The following UGP2 variants were observed in gnomAD, a reference collection of about 807,000 sequenced individuals.
UGP2 encodes UDP-glucose pyrophosphorylase 2.
Under a neutral mutation model 49.0 loss-of-function variants are expected in UGP2, and 40 were observed. The ratio of observed to expected loss-of-function variants is 0.82; its 90% confidence interval spans 0.63 to 1.06. UGP2 has a LOEUF of 1.06. Among genes scored for constraint, UGP2 ranks in the 50% least tolerant of loss-of-function variants. The pLI is 0.00. For missense variants in UGP2, 460 were observed against 603.5 expected, an observed-to-expected ratio of 0.76 and a Z score of 2.49; for synonymous variants, 225 against 213.0, an observed-to-expected ratio of 1.06 and a Z score of -0.49.
In UGP2 at chr2:63,886,477, C is replaced by A. The variant is rs376428418; in HGVS notation, c.1010C>A (p.Ala337Glu). Reference sequence around the variant, plus strand: ...ACAAACAACCTATGGATTTCTCTTGCAGCAGTTAAAAGACTGCAGGAGCAA... The same window carrying A: ...ACAAACAACCTATGGATTTCTCTTGAAGCAGTTAAAAGACTGCAGGAGCAA... ...FNTNNLWISL[A>E]AVKRLQEQNA... Residue 337 changes from alanine (A) to glutamate (E), a missense_variant, in exon 7 of 10, where the codon GCA becomes GAA. Ala to Glu is a moderately radical substitution (Grantham distance 107). Around this residue, in one of 2 missense-constraint regions of UGP2, gnomAD observed 317 missense variants for 473.0 expected, o/e 0.67. Transcript: ENST00000337130. 6.2e-7 allele frequency: 1 copy of A among 1,614,142 alleles called. No homozygotes were observed. The highest frequency in any genetic ancestry group is 8.5e-7 in the Non-Finnish European group (1 of 1,180,010).
At chr2:63,846,686 T>C (rs1210315810) in intron 1 of UGP2, among the ~76,000 whole-genome samples, 1 of 152,218 alleles carries the variant, frequency 6.6e-6, no homozygotes, top group East Asian at 1.9e-4. Context: ...TAATTATAAC[T>C]GGAGGGGTCT....
At chr2:63,880,025 C>T (rs986262602) in intron 3 of UGP2, among the ~76,000 whole-genome samples, 3 of 152,156 alleles carry the variant, frequency 2.0e-5, no homozygotes, top group African/African-American at 7.2e-5. Context: ...AATGGAAATT[C>T]TTGGCTTTTA....
At chr2:63,841,853 C>G (rs1671564821), upstream of UGP2, 1 of 250,762 alleles carries the variant, frequency 4.0e-6, no homozygotes, top group Non-Finnish European at 7.7e-6. Flanking sequence ...AGGTCCGCCT[C>G]TTTCATTGAA....
chr2:63,865,192 C>T (rs1013338879), intron 3 of UGP2, among the ~76,000 whole-genome samples: 1 of 152,170 alleles, frequency 6.6e-6, no homozygotes, highest in Non-Finnish European at 1.5e-5. Flanking sequence ...GACAGTCACT[C>T]CCCTCAAAGA....
In UGP2 at chr2:63,856,318, C is replaced by G; in HGVS notation, c.32C>G (p.Ala11Gly). 4 of 1,612,670 alleles carry G rather than the reference C, an allele frequency of 2.5e-6. No homozygotes were observed. The highest frequency in any genetic ancestry group is 3.4e-6 in the Non-Finnish European group (4 of 1,179,648). ...TTTTTGTTTTAAGATCTTAGCAAAG[C>G]AATGTCTCAAGATGGTGCTTCTCAG... Reference protein sequence around the residue: MSRFVQDLSKAMSQDGASQFQ... With the variant: MSRFVQDLSKGMSQDGASQFQ... Residue 11 changes from alanine (A) to glycine (G), a missense_variant, in exon 2 of 10, where the codon GCA becomes GGA. Ala to Gly is a moderately conservative substitution (Grantham distance 60). This residue lies in a region of UGP2 where 143 missense variants were observed against 130.4 expected (regional missense o/e 1.10). Coordinates refer to ENST00000337130, the MANE Select transcript of UGP2 (RefSeq NM_006759.4).
intron 1 of UGP2, among the ~76,000 whole-genome samples, chr2:63,851,230 C>T (rs1482978162): frequency 6.6e-6 from 1 of 152,128 alleles, no homozygotes; most frequent in Non-Finnish European, 1.5e-5. Flanking sequence ...TAGTTACATA[C>T]CATTATTAGG....
chr2:63,882,768 C>A, intron 4 of UGP2, 117 bp downstream of exon 4: 1 of 1,094,910 alleles, frequency 9.1e-7, no homozygotes. Flanking sequence ...AGCCTGCTAT[C>A]TTTAATCTCT....
intron 3 of UGP2, among the ~76,000 whole-genome samples, chr2:63,858,733 A>G (rs1157510684): frequency 6.6e-6 from 1 of 152,054 alleles, no homozygotes; most frequent in Admixed American, 6.6e-5. Context: ...AGTAGATTTA[A>G]TAGTATTTTC....
chr2:63,891,313 T>C lies in UGP2; in HGVS notation c.*86T>C, dbSNP rs1672138148. On this transcript the variant is annotated 3_prime_UTR_variant, in exon 10 of 10. Coordinates refer to ENST00000337130, the MANE Select transcript of UGP2 (RefSeq NM_006759.4). ...AGGATTCTAAAATAGGCAGGTACTT[T>C]ACTATGTTACTGTACCCTGCAGTGT... 1.8e-6 allele frequency: 2 copies of C among 1,125,108 alleles called. No individual in the cohort carries two copies. The highest frequency in any genetic ancestry group is 2.6e-6 in the Non-Finnish European group (2 of 761,912). The allele number at this position is 1,125,108 out of a possible 1,614,324, so 69.7% of individuals were successfully genotyped here. A position where few individuals can be genotyped will look rare whatever the true frequency, so the allele number is the denominator to read the frequency against.
intron 3 of UGP2, 24 bp from the exon 4 acceptor site, chr2:63,882,441 TC>T: frequency 1.3e-6 from 2 of 1,522,982 alleles, no homozygotes; most frequent in Non-Finnish European, 1.8e-6. Context: ...TTTAAATTAC[TC>T]CTATAATGTT....
rs1395891189 is a variant in UGP2, at chr2:63,879,024, C to T, written c.256-3442C>T. Among the ~76,000 whole-genome samples the T allele has an allele frequency of 3.3e-5, 5 of 150,208 alleles. 1 individual carries two copies. The highest frequency in any genetic ancestry group is 7.3e-5 in the African/African-American group (3 of 40,944). On this transcript the variant is annotated intron_variant, in intron 3 of 9. Coordinates refer to ENST00000337130, the MANE Select transcript of UGP2 (RefSeq NM_006759.4). ...TGGAGGTAAAAAAAAAAAAAAAGTT[C>T]CTGTTAGTACTTTTTCTTGATGACT... is the stretch of plus-strand genomic sequence containing the variant.
At chr2:63,841,321 T>G (rs2104212829), upstream of UGP2, 1 of 151,590 alleles carries the variant, frequency 6.6e-6, no homozygotes, top group East Asian at 1.9e-4. Context: ...GCTGGCCCGC[T>G]GTGTGGTCTC....
chr2:63,877,561 G>A (rs1274144817), intron 3 of UGP2, among the ~76,000 whole-genome samples: 1 of 152,190 alleles, frequency 6.6e-6, no homozygotes, highest in African/African-American at 2.4e-5. Flanking sequence ...TTACATTTTG[G>A]ATCTAGAAAT....
chr2:63,841,979 G>C lies in UGP2; in HGVS notation c.-207G>C. The C allele has an allele frequency of 3.5e-6, 2 of 566,184 alleles. No homozygotes were observed. Among genetic ancestry groups the C allele is most frequent in the Non-Finnish European group, 5.5e-6 (2 of 363,992 alleles). 35.1% of individuals were successfully genotyped at this position (566,184 alleles called of 1,614,324 possible). On this transcript the variant is annotated 5_prime_UTR_variant, in exon 1 of 10. Transcript: ENST00000337130. ...AGTCGCACCAAGTTTCCGTCTTTTG[G>C]AATTGGGGAAGGAGTTTCTTTCTTT...
intron 1 of UGP2, chr2:63,842,569 C>G: frequency 6.7e-7 from 1 of 1,501,884 alleles, no homozygotes; most frequent in Non-Finnish European, 8.9e-7. Context: ...ACGGGAAGGG[C>G]TGGGGAAGCG....
intron 3 of UGP2, among the ~76,000 whole-genome samples, chr2:63,868,971 A>T (rs1156592877): frequency 6.6e-6 from 1 of 152,158 alleles, no homozygotes; most frequent in Non-Finnish European, 1.5e-5. Flanking sequence ...ATCTCAAAAA[A>T]AAAAAAAGAA....
chr2:63,847,898 C>T (rs1320343021), intron 1 of UGP2, among the ~76,000 whole-genome samples: 1 of 152,192 alleles, frequency 6.6e-6, no homozygotes, highest in Non-Finnish European at 1.5e-5. Flanking sequence ...TTGGCTTGGG[C>T]TCAGAGGCCT....
intron 8 of UGP2, chr2:63,888,760 G>C (rs942780506): frequency 1.1e-4 from 17 of 152,294 alleles, no homozygotes; most frequent in African/African-American, 4.1e-4. Flanking sequence ...ACTCCACACA[G>C]ACAGTAGCCC....
intron 3 of UGP2, among the ~76,000 whole-genome samples, chr2:63,867,547 A>C (rs1395699181): frequency 6.6e-6 from 1 of 152,142 alleles, no homozygotes; most frequent in Non-Finnish European, 1.5e-5. Context: ...TTTATGAAGT[A>C]CCTCCTCTAT....
Sources: allele counts gnomAD v4.1 joint callset (sites outside exome capture counted in the v4.1 genomes callset), GRCh38; gene constraint gnomAD v4.1.1; regional missense constraint gnomAD v4.1.1; transcripts MANE v1.5; gene names NCBI Gene and HGNC (gene_info 2026-07-23, HGNC 2026-07-21).